Variants in PLS3 observed in about 807,000 individuals in gnomAD.
PLS3 encodes plastin-3.
Under a neutral mutation model 46.5 loss-of-function variants are expected in PLS3, and 11 were observed. That is an observed-to-expected ratio of 0.24 (90% CI 0.15 to 0.39). The LOEUF (loss-of-function observed/expected upper bound fraction) is 0.39. PLS3 is among the 10% of genes least tolerant of loss of function. The pLI is 1.00. For synonymous variants in PLS3, 167 were observed against 162.2 expected (o/e 1.03, Z -0.22); for missense variants, 308 against 461.8 (o/e 0.67, Z 3.05).
intron 8 of PLS3, chrX:115,640,092 C>G: frequency 9.0e-7 from 1 of 1,114,198 alleles, no homozygotes; most frequent in Admixed American, 2.7e-5. Context: ...TTTTTAAATG[C>G]TTGTTTTGTC....
At chrX:115,562,680 T>C (rs2074147239) in intron 1 of PLS3, 2 of 111,674 alleles carry the variant, frequency 1.8e-5, no homozygotes, top group Admixed American at 1.9e-4. Context: ...ATCCTCGAGA[T>C]GCAGTTCATG....
chrX:115,648,396 C>G (rs1047924712), intron 15 of PLS3, among the ~76,000 whole-genome samples: 1 of 111,398 alleles, frequency 9.0e-6, no homozygotes, highest in African/African-American at 3.3e-5. Context: ...CCACTTATGT[C>G]TCTTTTACTA....
chrX:115,641,225 C>CTTTTTTTT (rs35431475), intron 9 of PLS3, among the ~76,000 whole-genome samples: 1 of 82,419 alleles, frequency 1.2e-5, no homozygotes, highest in East Asian at 4.1e-4. Context: ...TCTTCTCTTT[C>CTTTTTTTT]TTTTTTTTTT....
chrX:115,578,637 A>G (rs1411914839), intron 1 of PLS3, among the ~76,000 whole-genome samples: 4 of 96,363 alleles, frequency 4.2e-5, no homozygotes, highest in Non-Finnish European at 8.2e-5. Context: ...AGGCAGAAGA[A>G]TGGCGTGAAC....
intron 1 of PLS3, among the ~76,000 whole-genome samples, chrX:115,587,507 G>T (rs782701431): frequency 1.8e-5 from 2 of 111,501 alleles, no homozygotes; most frequent in Non-Finnish European, 3.8e-5. Context: ...AGGCCGAGGC[G>T]GGCAGATCAC....
chrX:115,611,569 A>G (rs1015115591), intron 2 of PLS3, among the ~76,000 whole-genome samples: 1 of 111,399 alleles, frequency 9.0e-6, no homozygotes, highest in Non-Finnish European at 1.9e-5. Flanking sequence ...ATCTTTCAGC[A>G]TTAGCAGCAG....
At chrX:115,580,504 T>C (rs1261764777) in intron 1 of PLS3, among the ~76,000 whole-genome samples, 8 of 112,428 alleles carry the variant, frequency 7.1e-5, no homozygotes, top group African/African-American at 2.6e-4. Flanking sequence ...TGGGTTCTCT[T>C]CTGTTCCGTT....
chrX:115,623,120 T>A (rs896972055), intron 3 of PLS3, among the ~76,000 whole-genome samples: 1 of 111,655 alleles, frequency 9.0e-6, no homozygotes, highest in Non-Finnish European at 1.9e-5. Flanking sequence ...TATTGGCTGC[T>A]AGCAAGTGAG....
chrX:115,617,847 CTAAT>C (rs2074611477), intron 2 of PLS3, among the ~76,000 whole-genome samples: 2 of 112,042 alleles, frequency 1.8e-5, no homozygotes, highest in African/African-American at 6.5e-5. Flanking sequence ...GAACTGTCTT[CTAAT>C]TAATGTTCAA....
intron 2 of PLS3, among the ~76,000 whole-genome samples, chrX:115,620,701 C>CTTTTTTTTTTT (rs2074641611): frequency 2.5e-5 from 2 of 81,520 alleles, no homozygotes; most frequent in Non-Finnish European, 2.4e-5. Flanking sequence ...TTTTTTTTTT[C>CTTTTTTTTTTT]TTTTCTTTTT....
intron 1 of PLS3, among the ~76,000 whole-genome samples, chrX:115,565,660 CTT>C (rs2074167542): frequency 8.9e-6 from 1 of 111,765 alleles, no homozygotes; most frequent in Non-Finnish European, 1.9e-5. Context: ...TATCAGTTGA[CTT>C]TTCAAACTTT....
At chrX:115,644,534 T>C (rs999545753) in intron 10 of PLS3, among the ~76,000 whole-genome samples, 1 of 109,753 alleles carries the variant, frequency 9.1e-6, no homozygotes, top group Non-Finnish European at 1.9e-5. Context: ...GAGGCAGAGG[T>C]TGTAGTGAGC....
At chrX:115,584,928 A>G (rs1326261379) in intron 1 of PLS3, among the ~76,000 whole-genome samples, 2 of 111,682 alleles carry the variant, frequency 1.8e-5, no homozygotes, top group Non-Finnish European at 3.8e-5. Context: ...GGTCATGCCC[A>G]TATTTGCTCA....
chrX:115,599,334 T>TCCAA (rs2074418091), intron 1 of PLS3, among the ~76,000 whole-genome samples: 1 of 43,275 alleles, frequency 2.3e-5, no homozygotes, highest in African/African-American at 1.2e-4. Flanking sequence ...ATCCTGTCTC[T>TCCAA]ACAAAAAAAA....
intron 1 of PLS3, among the ~76,000 whole-genome samples, chrX:115,580,528 G>C (rs1267764315): frequency 1.8e-5 from 2 of 112,181 alleles, no homozygotes; most frequent in Non-Finnish European, 3.8e-5. Flanking sequence ...TTGAGTATCT[G>C]TTGCTCTGTC....
intron 13 of PLS3, among the ~76,000 whole-genome samples, chrX:115,646,989 A>G (rs1252222910): frequency 3.6e-5 from 4 of 112,290 alleles, no homozygotes; most frequent in Non-Finnish European, 5.6e-5. Context: ...ATGTGCCTAC[A>G]GTGGGCTGTT....
rs782314423 is a variant in PLS3 at position 115,562,673 on chromosome X, C to T, written c.-9+1413C>T. 3 of 111,622 alleles carry T rather than the reference C, an allele frequency of 2.7e-5. No individual in the cohort carries two copies. The East Asian group carries it at 8.5e-4, about 32-fold the overall frequency. The allele number at this position is 111,622 out of a possible 1,213,427, so 9.2% of individuals were successfully genotyped here. A position where few individuals can be genotyped will look rare whatever the true frequency, so the allele number is the denominator to read the frequency against. Reference sequence around the variant, plus strand: ...TGGACTGGGGAGCCTAAACTTGATCCTCGAGATGCAGTTCATGGTGAATTC... The same window carrying T: ...TGGACTGGGGAGCCTAAACTTGATCTTCGAGATGCAGTTCATGGTGAATTC... On this transcript the variant is annotated intron_variant, in intron 1 of 15. Coordinates refer to ENST00000355899, the MANE Select transcript of PLS3 (RefSeq NM_005032.7).
intron 7 of PLS3, 58 bp from the exon 8 acceptor site, chrX:115,636,778 T>C: frequency 1.9e-6 from 2 of 1,063,688 alleles, no homozygotes; most frequent in Non-Finnish European, 2.5e-6. Context: ...TGAATGAACT[T>C]GGCATGACCA....
intron 2 of PLS3, chrX:115,614,145 A>G: frequency 7.8e-6 from 1 of 127,511 alleles, no homozygotes; most frequent in Non-Finnish European, 1.4e-5. Context: ...TTTTTTTTGT[A>G]TTTTTAGTGG....
Sources: gnomAD v4.1 joint callset for allele counts (sites outside exome capture counted in the v4.1 genomes callset) on GRCh38, gnomAD v4.1.1 for gene constraint, MANE v1.5 for transcripts, NCBI Gene and HGNC (gene_info 2026-07-23, HGNC 2026-07-21) for gene names.